ARMC12: variants seen among roughly 807,000 people sequenced by gnomAD.
ARMC12 encodes the protein armadillo repeat-containing protein 12.
A neutral mutation model predicts 37.4 loss-of-function variants in ARMC12; 25 were observed. That is an observed-to-expected ratio of 0.67 (90% CI 0.49 to 0.93). The LOEUF is 0.93. ARMC12 is among the 40% of genes least tolerant of loss of function. The pLI is 0.00. For missense variants in ARMC12, 384 were observed against 426.6 expected, an observed-to-expected ratio of 0.90 and a Z score of 0.88; for synonymous variants, 167 against 176.1, an observed-to-expected ratio of 0.95 and a Z score of 0.41.
chr6:35,745,706 G>C (rs187848923), intron 3 of ARMC12, among the ~76,000 whole-genome samples: 1 of 152,304 alleles, frequency 6.6e-6, no homozygotes, highest in Admixed American at 6.5e-5. Context: ...AGAGCACATG[G>C]GACCTCGCTG....
At chr6:35,743,064 C>T (rs781654083) in intron 3 of ARMC12, among the ~76,000 whole-genome samples, 12 of 152,060 alleles carry the variant, frequency 7.9e-5, no homozygotes, top group South Asian at 2.1e-4. Context: ...CGGGTCGCCA[C>T]GGCTTTTGAG....
chr6:35,737,853 C>T (rs1767019359), intron 1 of ARMC12, 174 bp from the exon 2 acceptor site: 1 of 779,852 alleles, frequency 1.3e-6, no homozygotes, highest in Non-Finnish European at 2.1e-6. Flanking sequence ...AGATAGGGTG[C>T]CCTTGTGCAG....
chr6:35,747,332 A>T lies in ARMC12; in HGVS notation c.516A>T (p.Arg172Ser). The change falls in exon 4 of 6, where the codon AGA (arginine) becomes AGT (serine). Residue 172 changes from arginine (R) to serine (S), a missense_variant. Physicochemically the swap from Arg to Ser is moderately radical, Grantham distance 110. Coordinates refer to ENST00000373866, the MANE Select transcript of ARMC12 (RefSeq NM_001286574.2). ...CGGAACTGCACATTGCGGGCCTCAG[A>T]CTCCTCAACAACCTTCCACTGCCCG... is the stretch of plus-strand genomic sequence containing the variant. ...WDTELHIAGL[R>S]LLNNLPLPDY... 2.5e-6 allele frequency: 4 copies of T among 1,613,744 alleles called. No individual in the cohort carries two copies. Among genetic ancestry groups the T allele is most frequent in the Non-Finnish European group, 3.4e-6 (4 of 1,179,964 alleles).
At chr6:35,747,940 T>C (rs780922416) in intron 5 of ARMC12, among the ~76,000 whole-genome samples, 1 of 152,158 alleles carries the variant, frequency 6.6e-6, no homozygotes, top group Non-Finnish European at 1.5e-5. Context: ...GAAATTACTA[T>C]GGCAAAGAGC....
intron 3 of ARMC12, among the ~76,000 whole-genome samples, chr6:35,739,475 T>C (rs1230976861): frequency 6.6e-6 from 1 of 151,898 alleles, no homozygotes; most frequent in Non-Finnish European, 1.5e-5. Flanking sequence ...ATTTTGTCTC[T>C]TGCTAAATCA....
chr6:35,738,294 G>GTGTGCGGA, intron 2 of ARMC12, 90 bp from the exon 3 acceptor site: 1 of 1,429,926 alleles, frequency 7.0e-7, no homozygotes, highest in African/African-American at 1.4e-5. Context: ...GGTGGGGGGG[G>GTGTGCGGA]GGTGTGCGGA....
At chr6:35,741,228 G>A (rs968865209) in intron 3 of ARMC12, among the ~76,000 whole-genome samples, 5 of 152,032 alleles carry the variant, frequency 3.3e-5, no homozygotes, top group African/African-American at 1.2e-4. Context: ...ACATTGTGCT[G>A]TGAACATTCC....
intron 3 of ARMC12, among the ~76,000 whole-genome samples, chr6:35,746,868 G>A (rs1375737588): frequency 1.3e-5 from 2 of 151,980 alleles, no homozygotes; most frequent in Non-Finnish European, 2.9e-5. Flanking sequence ...GGGGAGAAAA[G>A]TGGAATTGGT....
At chr6:35,745,710 C>G (rs1075091) in intron 3 of ARMC12, among the ~76,000 whole-genome samples, 73,715 of 152,028 alleles carry the variant, frequency 0.48, 17,972 homozygotes, top group South Asian at 0.54. Flanking sequence ...CACATGGGAC[C>G]TCGCTGTACT....
intron 3 of ARMC12, among the ~76,000 whole-genome samples, chr6:35,742,527 G>A (rs1174688962): frequency 2.1e-5 from 3 of 141,798 alleles, no homozygotes; most frequent in Non-Finnish European, 4.6e-5. Flanking sequence ...AAAAGCCCAG[G>A]GAGTTCAGTT....
chr6:35,738,291 G>GGT, intron 2 of ARMC12, 93 bp from the exon 3 acceptor site: 1 of 1,435,750 alleles, frequency 7.0e-7, no homozygotes, highest in South Asian at 1.3e-5. Flanking sequence ...AGCGGTGGGG[G>GGT]GGGGGTGTGC....
intron 2 of ARMC12, 101 bp from the exon 3 acceptor site, chr6:35,738,283 C>CGGGGGGGGGG (rs201221548): frequency 6.9e-6 from 4 of 576,826 alleles, no homozygotes; most frequent in African/African-American, 4.3e-5. Flanking sequence ...TGGCTGATAG[C>CGGGGGGGGGG]GGTGGGGGGG....
intron 3 of ARMC12, among the ~76,000 whole-genome samples, chr6:35,744,924 T>C (rs113613423): frequency 2.0e-5 from 3 of 152,324 alleles, no homozygotes; most frequent in African/African-American, 7.2e-5. Context: ...GCTGAGATAT[T>C]ACTGTGCACC....
intron 1 of ARMC12, 89 bp downstream of exon 1, chr6:35,737,360 C>T (rs142448450): frequency 5.6e-4 from 906 of 1,613,806 alleles, no homozygotes; most frequent in Admixed American, 2.1e-3. Context: ...AAGGTGATGC[C>T]TCCAAGTTCC....
At chr6:35,736,954 TG>T, upstream of ARMC12, 1 of 1,184,368 alleles carries the variant, frequency 8.4e-7, no homozygotes, top group Non-Finnish European at 1.2e-6. Flanking sequence ...TCCTGACCAC[TG>T]CCCTCCATCC....
chr6:35,737,902 G>A lies in ARMC12; in HGVS notation c.164-125G>A, dbSNP rs533721936. ...AACTGTACATGGTGGTCCTGCATATGGCGAGAAGGCTTCTCCGAAAAGGCA... is the reference window on the plus strand; with the variant it reads ...AACTGTACATGGTGGTCCTGCATATAGCGAGAAGGCTTCTCCGAAAAGGCA... On this transcript the variant is annotated intron_variant, in intron 1 of 5. Coordinates refer to ENST00000373866, the MANE Select transcript of ARMC12 (RefSeq NM_001286574.2). The A allele has an allele frequency of 9.7e-5, 130 of 1,341,544 alleles. 2 individuals are homozygous for A. In the South Asian group the frequency reaches 1.5e-3, roughly 15 times the overall value. The allele number at this position is 1,341,544 out of a possible 1,614,324, so 83.1% of individuals were successfully genotyped here.
the ARMC12 span, among the ~76,000 whole-genome samples, chr6:35,731,763 A>G: frequency 3.9e-5 from 6 of 152,060 alleles, no homozygotes; most frequent in Admixed American, 2.0e-4. Flanking sequence ...AGCCCTCTCC[A>G]ACAGCTGCGG....
At chr6:35,744,353 G>T (rs1433077367) in intron 3 of ARMC12, among the ~76,000 whole-genome samples, 1 of 152,106 alleles carries the variant, frequency 6.6e-6, no homozygotes, top group Non-Finnish European at 1.5e-5. Context: ...TGTTGGCCAG[G>T]ATGGTCTCGG....
At chr6:35,737,504 C>T in intron 1 of ARMC12, 1 of 1,259,030 alleles carries the variant, frequency 7.9e-7, no homozygotes, top group Non-Finnish European at 1.1e-6. Context: ...TCTGGCAGGT[C>T]TCCAAATACT....
Sources: allele counts gnomAD v4.1 joint callset (sites outside exome capture counted in the v4.1 genomes callset), GRCh38; gene constraint gnomAD v4.1.1; transcripts MANE v1.5; gene names NCBI Gene and HGNC (gene_info 2026-07-23, HGNC 2026-07-21).